The following FRMD4A variants were observed in gnomAD, a reference collection of about 807,000 sequenced individuals.
FRMD4A encodes FERM domain-containing protein 4A.
FRMD4A carries 29 observed loss-of-function variants against 129.1 expected under a neutral mutation model. The observed-to-expected ratio is 0.22, with a 90% CI of 0.17 to 0.31. The LOEUF is 0.31. Ranked by LOEUF, FRMD4A falls within the 10% of genes least tolerant of loss-of-function variation. The pLI is 1.00. For missense variants in FRMD4A, 1,272 were observed against 1,375.8 expected, an observed-to-expected ratio of 0.92 and a Z score of 1.19; for synonymous variants, 634 against 571.6, an observed-to-expected ratio of 1.11 and a Z score of -1.56.
intron 14 of FRMD4A, among the ~76,000 whole-genome samples, chr10:13,700,043 A>G (rs1199378553): frequency 2.6e-5 from 4 of 152,084 alleles, no homozygotes; most frequent in Non-Finnish European, 5.9e-5. Context: ...GCTGCGGGGG[A>G]CAGACCCCAA....
chr10:14,077,215 G>T (rs1356187079), intron 2 of FRMD4A, among the ~76,000 whole-genome samples: 1 of 152,148 alleles, frequency 6.6e-6, no homozygotes, highest in Non-Finnish European at 1.5e-5. Flanking sequence ...TGATCCCCAA[G>T]ACAAAAAATA....
At chr10:13,772,639 T>A (rs557673542) in intron 6 of FRMD4A, among the ~76,000 whole-genome samples, 9 of 152,294 alleles carry the variant, frequency 5.9e-5, no homozygotes, top group African/African-American at 1.7e-4. Context: ...CACCTCATTT[T>A]AATGCTAAAA....
intron 2 of FRMD4A, among the ~76,000 whole-genome samples, chr10:14,254,999 A>G (rs1844560706): frequency 6.6e-6 from 1 of 152,200 alleles, no homozygotes; most frequent in African/African-American, 2.4e-5. Context: ...TAAGAATGGC[A>G]TCTGGCTTGT....
intron 2 of FRMD4A, among the ~76,000 whole-genome samples, chr10:13,978,404 T>A (rs12779988): frequency 0.35 from 52,713 of 151,878 alleles, 9,542 homozygotes; most frequent in East Asian, 0.6. Flanking sequence ...CCTCCATACC[T>A]CCTTCTTCTG....
At chr10:13,885,827 G>C (rs2094612343) in intron 2 of FRMD4A, among the ~76,000 whole-genome samples, 1 of 152,192 alleles carries the variant, frequency 6.6e-6, no homozygotes, top group Non-Finnish European at 1.5e-5. Flanking sequence ...CCCAATAAAA[G>C]GGGATTGAGA....
chr10:13,980,246 G>A (rs1053568080), intron 2 of FRMD4A, among the ~76,000 whole-genome samples: 1 of 152,158 alleles, frequency 6.6e-6, no homozygotes, highest in Non-Finnish European at 1.5e-5. Context: ...ACTCTCTGCT[G>A]ACCACAGCAC....
chr10:13,842,049 C>G (rs879398976), intron 3 of FRMD4A, among the ~76,000 whole-genome samples: 1 of 152,174 alleles, frequency 6.6e-6, no homozygotes, highest in Non-Finnish European at 1.5e-5. Flanking sequence ...ATACCTTGTT[C>G]CTCTCACAAC....
chr10:14,258,029 A>G (rs1844675951), intron 2 of FRMD4A, among the ~76,000 whole-genome samples: 2 of 152,144 alleles, frequency 1.3e-5, no homozygotes, highest in South Asian at 2.1e-4. Flanking sequence ...ATTATCTTAC[A>G]CTATATATAA....
chr10:14,016,312 A>G (rs145610949), intron 2 of FRMD4A, among the ~76,000 whole-genome samples: 342 of 152,370 alleles, frequency 2.2e-3, no homozygotes, highest in Middle Eastern at 6.8e-3. Context: ...GTCATAGAGA[A>G]TGTCAAGTCT....
rs74122467 is a variant in FRMD4A, at chr10:14,095,889, C to T, written c.45+234169G>A. Reference sequence around the variant, plus strand: ...AAATGGCCAGAGCACTCACTGTCCACGAATCAATAAAACCAGAAGATGAAC... The same window carrying T: ...AAATGGCCAGAGCACTCACTGTCCATGAATCAATAAAACCAGAAGATGAAC... On this transcript the variant is annotated intron_variant, in intron 2 of 24. Coordinates refer to ENST00000357447, the MANE Select transcript of FRMD4A (RefSeq NM_018027.5). 6.4e-3 allele frequency among the ~76,000 whole-genome samples: 970 copies of T among 152,216 alleles called. 10 individuals are homozygous for T. The highest frequency in any genetic ancestry group is 0.022 in the African/African-American group (916 of 41,510).
intron 2 of FRMD4A, among the ~76,000 whole-genome samples, chr10:13,943,077 A>G (rs1373273930): frequency 2.0e-5 from 3 of 152,182 alleles, no homozygotes; most frequent in African/African-American, 7.2e-5. Context: ...TCATTCTAAA[A>G]CTGCGAGTTA....
chr10:14,154,959 C>G (rs1429016467), intron 2 of FRMD4A, among the ~76,000 whole-genome samples: 1 of 152,184 alleles, frequency 6.6e-6, no homozygotes, highest in Admixed American at 6.5e-5. Context: ...AAGTGGTCAT[C>G]AGGTGGTCCC....
chr10:13,710,816 C>T (rs893021127), intron 12 of FRMD4A, among the ~76,000 whole-genome samples: 1 of 152,070 alleles, frequency 6.6e-6, no homozygotes. Context: ...AGCTTGAGAC[C>T]AGCCTGGGCC....
chr10:13,931,971 C>A (rs1030174078), intron 2 of FRMD4A, among the ~76,000 whole-genome samples: 3 of 151,838 alleles, frequency 2.0e-5, no homozygotes, highest in Admixed American at 6.6e-5. Context: ...ACCAACCAAC[C>A]AACCAACAAA....
At chr10:14,177,149 A>C (rs983056498) in intron 2 of FRMD4A, among the ~76,000 whole-genome samples, 3 of 152,100 alleles carry the variant, frequency 2.0e-5, no homozygotes, top group African/African-American at 7.2e-5. Flanking sequence ...TAAACTCAGA[A>C]ACCCCTCTCA....
intron 14 of FRMD4A, among the ~76,000 whole-genome samples, chr10:13,694,551 G>C (rs962814858): frequency 1.3e-5 from 2 of 152,190 alleles, no homozygotes; most frequent in African/African-American, 2.4e-5. Flanking sequence ...AGGAGAAAAT[G>C]ATTTTCAGTG....
intron 2 of FRMD4A, among the ~76,000 whole-genome samples, chr10:14,108,693 C>T (rs922988358): frequency 2.6e-5 from 4 of 152,010 alleles, no homozygotes; most frequent in African/African-American, 4.8e-5. Context: ...GCTGGGTTTT[C>T]GCATAGGAAA....
intron 2 of FRMD4A, among the ~76,000 whole-genome samples, chr10:14,015,662 T>C (rs1458881349): frequency 6.6e-6 from 1 of 152,210 alleles, no homozygotes; most frequent in African/African-American, 2.4e-5. Context: ...AGCTCCATGA[T>C]ACTGGCTTCA....
intron 2 of FRMD4A, chr10:13,891,562 A>C (rs2610799): frequency 1 from 978,105 of 979,696 alleles, 488,275 homozygotes; most frequent in South Asian, 1. Flanking sequence ...AAAACACGGA[A>C]GGCGAAGGGC....
Sources: gnomAD v4.1 joint callset for allele counts (sites outside exome capture counted in the v4.1 genomes callset) on GRCh38, gnomAD v4.1.1 for gene constraint, MANE v1.5 for transcripts, NCBI Gene and HGNC (gene_info 2026-07-23, HGNC 2026-07-21) for gene names.